The following ASNS variants were observed in gnomAD, a reference collection of about 807,000 sequenced individuals.
ASNS encodes asparagine synthetase [glutamine-hydrolyzing].
Under a neutral mutation model 62.6 loss-of-function variants are expected in ASNS, and 37 were observed. The observed-to-expected ratio is 0.59, with a 90% CI of 0.45 to 0.78. The LOEUF is 0.78. ASNS is among the 30% of genes least tolerant of loss of function. The pLI is 0.00. For synonymous variants in ASNS, 207 were observed against 237.9 expected, an observed-to-expected ratio of 0.87 and a Z score of 1.19; for missense variants, 520 against 682.4, an observed-to-expected ratio of 0.76 and a Z score of 2.65.
chr7:97,858,033 C>T (rs1213373908), intron 7 of ASNS, among the ~76,000 whole-genome samples: 1 of 152,072 alleles, frequency 6.6e-6, no homozygotes, highest in South Asian at 2.1e-4. Flanking sequence ...TTCAAAAGAG[C>T]ATACTTATCA....
chr7:97,892,711 A>G, the ASNS span, among the ~76,000 whole-genome samples: 13 of 152,208 alleles, frequency 8.5e-5, no homozygotes, highest in Non-Finnish European at 1.9e-4. Flanking sequence ...TTGCTAAAAC[A>G]TAACAGGAGT....
the ASNS span, among the ~76,000 whole-genome samples, chr7:97,921,116 C>T: frequency 6.6e-5 from 10 of 152,148 alleles, no homozygotes; most frequent in African/African-American, 2.2e-4. Flanking sequence ...GAGGAAACCC[C>T]ACTCAAAATC....
chr7:97,898,761 T>C, the ASNS span: 1 of 677,174 alleles, frequency 1.5e-6, no homozygotes, highest in African/African-American at 1.8e-5. Flanking sequence ...TGAGCTTCAA[T>C]CATTGTTGAA....
chr7:97,911,915 G>A, the ASNS span, among the ~76,000 whole-genome samples: 404 of 152,312 alleles, frequency 2.7e-3, 2 homozygotes, highest in Non-Finnish European at 4.7e-3. Context: ...TGTGCCTCTA[G>A]AAGTGTCCAA....
chr7:97,892,204 T>A, the ASNS span, among the ~76,000 whole-genome samples: 1 of 152,244 alleles, frequency 6.6e-6, no homozygotes, highest in Non-Finnish European at 1.5e-5. Flanking sequence ...GCCCACGTTG[T>A]ACCTTGGCTC....
At chr7:97,904,910 C>T in the ASNS span, among the ~76,000 whole-genome samples, 3 of 152,134 alleles carry the variant, frequency 2.0e-5, no homozygotes, top group Non-Finnish European at 4.4e-5. Flanking sequence ...GTCCAAAGAA[C>T]ACCATTTGGG....
the ASNS span, among the ~76,000 whole-genome samples, chr7:97,923,824 T>C: frequency 3.2e-4 from 49 of 152,198 alleles, no homozygotes; most frequent in African/African-American, 4.8e-4. Flanking sequence ...TTGGAACATA[T>C]CCCACGAATA....
At chr7:97,866,977 C>T (rs7810492) in intron 3 of ASNS, among the ~76,000 whole-genome samples, 5,001 of 152,316 alleles carry the variant, frequency 0.033, 290 homozygotes, top group African/African-American at 0.11. Context: ...CCCAAATCTA[C>T]CTTACCCACC....
the ASNS span, among the ~76,000 whole-genome samples, chr7:97,891,132 T>C: frequency 6.6e-6 from 1 of 152,216 alleles, no homozygotes; most frequent in African/African-American, 2.4e-5. Context: ...TGAGGAAGCC[T>C]AAGAATCACG....
At chr7:97,923,684 G>A in the ASNS span, among the ~76,000 whole-genome samples, 1 of 152,084 alleles carries the variant, frequency 6.6e-6, no homozygotes, top group African/African-American at 2.4e-5. Context: ...CCTGGCACAC[G>A]TTGCCCCCTG....
At chr7:97,872,436 T>G (rs911304748), upstream of ASNS, 2 of 152,538 alleles carry the variant, frequency 1.3e-5, no homozygotes, top group Non-Finnish European at 2.9e-5. Context: ...CTGGCGCTTA[T>G]ACCGACCTGG....
chr7:97,912,590 T>C, the ASNS span, among the ~76,000 whole-genome samples: 40 of 120,922 alleles, frequency 3.3e-4, no homozygotes, highest in East Asian at 6.8e-4. Context: ...TTTTTTTTTT[T>C]TTTCTGTTTT....
chr7:97,923,362 G>A, the ASNS span, among the ~76,000 whole-genome samples: 5,948 of 151,716 alleles, frequency 0.039, 270 homozygotes, highest in African/African-American at 0.1. Flanking sequence ...AGCCAAGGTG[G>A]GCCGATCACT....
chr7:97,924,356 C>G, the ASNS span, among the ~76,000 whole-genome samples: 3 of 152,208 alleles, frequency 2.0e-5, no homozygotes, highest in African/African-American at 7.2e-5. Flanking sequence ...TCCTCAGGAG[C>G]CTGCCTCACA....
At chr7:97,910,225 C>T in the ASNS span, among the ~76,000 whole-genome samples, 7 of 152,292 alleles carry the variant, frequency 4.6e-5, no homozygotes, top group South Asian at 1.2e-3. Flanking sequence ...ATCAGACTGG[C>T]AGTCACTGGG....
At chr7:97,917,940 C>T in the ASNS span, among the ~76,000 whole-genome samples, 86 of 152,360 alleles carry the variant, frequency 5.6e-4, 1 homozygote, top group African/African-American at 1.9e-3. Context: ...TCACATTAAC[C>T]CCATTTTACT....
chr7:97,909,121 A>T, the ASNS span: 1 of 152,156 alleles, frequency 6.6e-6, no homozygotes, highest in African/African-American at 2.4e-5. Flanking sequence ...AGACCTAAAA[A>T]GAAGCTTTTC....
At chr7:97,928,423 C>G in the ASNS span, 1 of 539,372 alleles carries the variant, frequency 1.9e-6, no homozygotes, top group Non-Finnish European at 3.2e-6. Flanking sequence ...GGCACCGGGG[C>G]CGGCGCGGGC....
At chr7:97,875,330 G>A (rs1792415823), upstream of ASNS, among the ~76,000 whole-genome samples, 1 of 152,164 alleles carries the variant, frequency 6.6e-6, no homozygotes, top group African/African-American at 2.4e-5. Context: ...GTAGAGACAG[G>A]ATTTCACCAT....
Sources: gnomAD v4.1 joint callset for allele counts (sites outside exome capture counted in the v4.1 genomes callset) on GRCh38, gnomAD v4.1.1 for gene constraint, MANE v1.5 for transcripts, NCBI Gene and HGNC (gene_info 2026-07-23, HGNC 2026-07-21) for gene names.